ASTN2: variants seen among roughly 807,000 people sequenced by gnomAD.
ASTN2 encodes the protein astrotactin-2.
Under a neutral mutation model 139.8 loss-of-function variants are expected in ASTN2, and 54 were observed. That is an observed-to-expected ratio of 0.39 (90% CI 0.31 to 0.48). The LOEUF (loss-of-function observed/expected upper bound fraction) is 0.48. Ranked by LOEUF, ASTN2 falls within the 20% of genes least tolerant of loss-of-function variation. The pLI, the probability that ASTN2 is intolerant of heterozygous loss-of-function variation, is 0.95. For missense variants in ASTN2, 1,565 were observed against 1,725.1 expected (o/e 0.91, Z 1.64); for synonymous variants, 756 against 719.5 (o/e 1.05, Z -0.81).
intron 13 of ASTN2, among the ~76,000 whole-genome samples, chr9:116,737,467 ATGTG>A (rs72243746): frequency 0.18 from 27,373 of 148,106 alleles, 2,643 homozygotes; most frequent in African/African-American, 0.23. Flanking sequence ...GTGTGTGTGA[ATGTG>A]TGTGTGTGTG....
chr9:117,156,666 C>T (rs967381444), intron 3 of ASTN2, among the ~76,000 whole-genome samples: 9 of 151,934 alleles, frequency 5.9e-5, no homozygotes, highest in Admixed American at 1.3e-4. Context: ...TAACTGGGTG[C>T]AAGCCGGCAG....
rs956528703 is a variant in ASTN2, at chr9:116,425,530, C to T, written c.*321G>A. 9.4e-6 allele frequency: 15 copies of T among 1,595,182 alleles called. No homozygotes were observed. Among genetic ancestry groups the T allele is most frequent in the African/African-American group, 6.7e-5 (5 of 74,276 alleles). On this transcript the variant is annotated 3_prime_UTR_variant, in exon 23 of 23. Coordinates refer to ENST00000313400, the MANE Select transcript of ASTN2 (RefSeq NM_001365068.1). ...AGGAAGAAGGAAGAAGAGCAAAGGC[C>T]GCTTGGTCTCCACCTGAAAACTTCT...
In ASTN2 at chr9:117,119,365, C is replaced by T. The variant is rs568133660; in HGVS notation, c.1168+21961G>A. 2.6e-5 allele frequency among the ~76,000 whole-genome samples: 4 copies of T among 152,330 alleles called. 1 individual carries two copies. In the South Asian group the frequency reaches 8.3e-4, roughly 32 times the overall value. On this transcript the variant is annotated intron_variant, in intron 4 of 22. Coordinates refer to ENST00000313400, the MANE Select transcript of ASTN2 (RefSeq NM_001365068.1). Reference sequence around the variant, plus strand: ...CCAATTGCTTCTGAGTTTGCAGAAACTGGCTTCAGGTTCAAGGAGTGGGAA... The same window carrying T: ...CCAATTGCTTCTGAGTTTGCAGAAATTGGCTTCAGGTTCAAGGAGTGGGAA...
chr9:117,380,275 A>G (rs1011768080), intron 1 of ASTN2, among the ~76,000 whole-genome samples: 9 of 152,136 alleles, frequency 5.9e-5, no homozygotes, highest in African/African-American at 2.2e-4. Context: ...AAAGCATGAT[A>G]AGTTTTCTGG....
intron 20 of ASTN2, among the ~76,000 whole-genome samples, chr9:116,471,948 A>G (rs1235984577): frequency 1.3e-5 from 2 of 152,066 alleles, no homozygotes; most frequent in Non-Finnish European, 2.9e-5. Context: ...ATAGATTCCC[A>G]ACAAAACCCG....
intron 5 of ASTN2, among the ~76,000 whole-genome samples, chr9:117,048,273 T>C (rs1160737043): frequency 6.6e-6 from 1 of 152,174 alleles, no homozygotes; most frequent in Non-Finnish European, 1.5e-5. Context: ...ACCGACCACA[T>C]GTCTTCAAGA....
intron 13 of ASTN2, among the ~76,000 whole-genome samples, chr9:116,805,260 A>C (rs1831000944): frequency 6.6e-6 from 1 of 152,118 alleles, no homozygotes; most frequent in Non-Finnish European, 1.5e-5. Flanking sequence ...TACTACATTA[A>C]ATGTCCTTAT....
At chr9:116,710,733 C>CAAAAAAAAAAAAAAAAAAAAAA in intron 16 of ASTN2, among the ~76,000 whole-genome samples, 1 of 72,578 alleles carries the variant, frequency 1.4e-5, no homozygotes, top group Non-Finnish European at 2.5e-5. Flanking sequence ...AACTCCGTCT[C>CAAAAAAAAAAAAAAAAAAAAAA]AAAAAAAAAA....
intron 19 of ASTN2, among the ~76,000 whole-genome samples, chr9:116,560,982 G>C (rs899301847): frequency 7.2e-5 from 11 of 152,236 alleles, no homozygotes; most frequent in Non-Finnish European, 1.5e-4. Context: ...TGTTATGCTA[G>C]GATGGGGTAG....
chr9:116,704,322 T>G (rs1457214541), intron 16 of ASTN2, among the ~76,000 whole-genome samples: 1 of 128,308 alleles, frequency 7.8e-6, no homozygotes, highest in African/African-American at 2.6e-5. Flanking sequence ...TTGTTTACAT[T>G]AGAATAGTAG....
chr9:117,408,094 A>G (rs1831050562), intron 1 of ASTN2, among the ~76,000 whole-genome samples: 1 of 152,008 alleles, frequency 6.6e-6, no homozygotes, highest in Non-Finnish European at 1.5e-5. Flanking sequence ...AATCAGTTGG[A>G]TACTCAGGCA....
At chr9:117,188,217 T>G (rs868838433) in intron 3 of ASTN2, among the ~76,000 whole-genome samples, 1 of 145,698 alleles carries the variant, frequency 6.9e-6, no homozygotes, top group African/African-American at 2.6e-5. Flanking sequence ...AGAGAGGAAA[T>G]CACCCCCGAT....
intron 20 of ASTN2, among the ~76,000 whole-genome samples, chr9:116,455,151 C>T (rs1485004952): frequency 6.6e-6 from 1 of 151,832 alleles, no homozygotes; most frequent in Non-Finnish European, 1.5e-5. Context: ...GAGTTCGAGA[C>T]CAGCCTGGCC....
rs561453740 is a variant in ASTN2 at position 117,049,768 on chromosome 9, G to A, written c.1277-9803C>T. Among the ~76,000 whole-genome samples, 8 of 152,298 alleles carry A rather than the reference G, an allele frequency of 5.3e-5. No individual in the cohort carries two copies. In the East Asian group the frequency reaches 1.5e-3, roughly 29 times the overall value. ...AATTTTAAAGTCACAGAGAATACAT[G>A]CAAGAATGAAAAAGGTAGGCACAAC... On this transcript the variant is annotated intron_variant, in intron 5 of 22. Coordinates refer to ENST00000313400, the MANE Select transcript of ASTN2 (RefSeq NM_001365068.1).
intron 12 of ASTN2, among the ~76,000 whole-genome samples, chr9:116,806,065 C>A (rs540922537): frequency 3.6e-4 from 55 of 152,302 alleles, no homozygotes; most frequent in Admixed American, 1.4e-3. Context: ...CCAGCGTGCA[C>A]GTTCACACAC....
At chr9:116,905,165 G>A (rs764343627) in intron 10 of ASTN2, among the ~76,000 whole-genome samples, 45 of 152,170 alleles carry the variant, frequency 3.0e-4, no homozygotes, top group South Asian at 1.9e-3. Flanking sequence ...GAGGGGCCGC[G>A]GGTGGGTGGG....
At chr9:116,567,596 C>A (rs577412263) in intron 19 of ASTN2, among the ~76,000 whole-genome samples, 92 of 152,160 alleles carry the variant, frequency 6.0e-4, no homozygotes, top group African/African-American at 2.1e-3. Context: ...CCTTGGAGGA[C>A]CCTTCTGGCT....
At chr9:116,495,710 A>G (rs1849647638) in intron 19 of ASTN2, among the ~76,000 whole-genome samples, 1 of 151,636 alleles carries the variant, frequency 6.6e-6, no homozygotes, top group South Asian at 2.1e-4. Flanking sequence ...GTCCAAAGTC[A>G]TACTCCATCT....
chr9:117,327,652 C>A (rs574709088), intron 1 of ASTN2, among the ~76,000 whole-genome samples: 1 of 151,888 alleles, frequency 6.6e-6, no homozygotes, highest in South Asian at 2.1e-4. Context: ...ATTCACCTGG[C>A]AGTACATAAA....
Sources: allele counts gnomAD v4.1 joint callset (sites outside exome capture counted in the v4.1 genomes callset), GRCh38; gene constraint gnomAD v4.1.1; transcripts MANE v1.5; gene names NCBI Gene and HGNC (gene_info 2026-07-23, HGNC 2026-07-21).